The following NUDT9 variants were observed in gnomAD, a reference collection of about 807,000 sequenced individuals.
NUDT9 encodes the protein nudix hydrolase 9, also known as ADP-ribose pyrophosphatase.
In NUDT9, 31 loss-of-function variants were observed where a neutral mutation model predicts 41.0. The observed-to-expected ratio is 0.76, with a 90% CI of 0.57 to 1.02. The LOEUF (loss-of-function observed/expected upper bound fraction) is 1.02. Ranked by LOEUF, NUDT9 falls within the 50% of genes least tolerant of loss-of-function variation. NUDT9 has a pLI of 0.00. For synonymous variants in NUDT9, 146 were observed against 147.6 expected (o/e 0.99, Z 0.08); for missense variants, 380 against 431.4 (o/e 0.88, Z 1.06).
chr4:87,442,511 T>C (rs890676220), intron 4 of NUDT9, among the ~76,000 whole-genome samples: 6 of 152,188 alleles, frequency 3.9e-5, no homozygotes, highest in Admixed American at 3.9e-4. Flanking sequence ...ATAAAAAATA[T>C]TTTCATTTTG....
intron 1 of NUDT9, among the ~76,000 whole-genome samples, chr4:87,430,959 A>G (rs1321865135): frequency 6.6e-6 from 1 of 152,104 alleles, no homozygotes; most frequent in Non-Finnish European, 1.5e-5. Flanking sequence ...CCAGCTTACC[A>G]ATTTTTTCTC....
intron 1 of NUDT9, among the ~76,000 whole-genome samples, chr4:87,426,468 G>C (rs1353601479): frequency 1.3e-5 from 2 of 151,628 alleles, no homozygotes; most frequent in African/African-American, 4.8e-5. Context: ...GGTGTGCAGT[G>C]GTGTAATCTT....
intron 6 of NUDT9, among the ~76,000 whole-genome samples, chr4:87,453,709 T>C (rs1251027282): frequency 2.0e-5 from 3 of 152,132 alleles, no homozygotes; most frequent in African/African-American, 4.8e-5. Context: ...ATTACAGGCA[T>C]GAGCCACCAC....
chr4:87,437,584 T>G (rs372059534), intron 2 of NUDT9, among the ~76,000 whole-genome samples: 1 of 148,068 alleles, frequency 6.8e-6, no homozygotes, highest in Non-Finnish European at 1.5e-5. Flanking sequence ...CCTTGTGATC[T>G]GCCCACCTTG....
In NUDT9 at chr4:87,457,488, C is replaced by A. The variant is rs376352474; in HGVS notation, c.875-355C>A. Among the ~76,000 whole-genome samples the A allele has an allele frequency of 5.3e-5, 8 of 152,162 alleles. No individual in the cohort carries two copies. In the East Asian group the frequency reaches 1.5e-3, roughly 29 times the overall value. On this transcript the variant is annotated intron_variant, in intron 7 of 7. Transcript: ENST00000302174. ...CTGACCTCAGGTGATCTACCCGCCT[C>A]AGCTTTGTTTATTTTTTTACATTTA...
At chr4:87,453,110 C>T (rs1195731842) in intron 6 of NUDT9, among the ~76,000 whole-genome samples, 1 of 152,098 alleles carries the variant, frequency 6.6e-6, no homozygotes, top group Non-Finnish European at 1.5e-5. Context: ...CCGCACCCGG[C>T]CTTTTTTTGG....
At chr4:87,426,044 C>T (rs951513809) in intron 1 of NUDT9, among the ~76,000 whole-genome samples, 2 of 152,118 alleles carry the variant, frequency 1.3e-5, no homozygotes, top group Non-Finnish European at 2.9e-5. Context: ...AACTATTGGG[C>T]TCAAGTGATC....
intron 5 of NUDT9, among the ~76,000 whole-genome samples, chr4:87,451,332 A>G (rs1195300149): frequency 6.6e-6 from 1 of 152,170 alleles, no homozygotes; most frequent in East Asian, 1.9e-4. Flanking sequence ...CCTTAGTTCG[A>G]GTTTGGCAAG....
intron 7 of NUDT9, 125 bp downstream of exon 7, chr4:87,454,580 T>C: frequency 1.6e-6 from 1 of 620,120 alleles, no homozygotes; most frequent in East Asian, 2.7e-5. Context: ...TGTAGGACTG[T>C]AGTTATATGA....
intron 4 of NUDT9, among the ~76,000 whole-genome samples, chr4:87,447,572 A>G (rs566156821): frequency 6.6e-6 from 1 of 150,418 alleles, no homozygotes; most frequent in South Asian, 2.1e-4. Context: ...GAGGAAGGGG[A>G]AGGGGAGATT....
rs2110151554 is a variant in NUDT9 at position 87,422,579 on chromosome 4, C to G, written c.-327C>G. On this transcript the variant is annotated 5_prime_UTR_variant, in exon 1 of 8. Coordinates refer to ENST00000302174, the MANE Select transcript of NUDT9 (RefSeq NM_024047.5). ...AACGCACGACCTTTGCTTTGCGGCG[C>G]GGCCGTAAAGCGCCATTACGCAGAG... The G allele has an allele frequency of 4.5e-6, 1 of 220,930 alleles. No individual in the cohort carries two copies. The highest frequency in any genetic ancestry group is 9.4e-5 in the East Asian group (1 of 10,690). The allele number at this position is 220,930 out of a possible 1,614,324, so 13.7% of individuals were successfully genotyped here. A position where few individuals can be genotyped will look rare whatever the true frequency, so the allele number is the denominator to read the frequency against.
At position 87,458,674 on chromosome 4, in the gene NUDT9, TAAA is replaced by T. The variant is rs918358250; in HGVS notation, c.*658_*660del. ...ACTCTCATTTTCAAAAATTCTGAAT[TAAA>T]AAAAGTCCAGGAAGTTAGTAATTTA... On this transcript the variant is annotated 3_prime_UTR_variant, in exon 8 of 8. Transcript: ENST00000302174. The T allele has an allele frequency of 6.6e-6, 1 of 152,076 alleles. No individual in the cohort carries two copies. The highest frequency in any genetic ancestry group is 1.5e-5 in the Non-Finnish European group (1 of 68,008). 9.4% of individuals were successfully genotyped at this position (152,076 alleles called of 1,614,324 possible). A position where few individuals can be genotyped will look rare whatever the true frequency, so the allele number is the denominator to read the frequency against.
At chr4:87,441,973 G>C in intron 4 of NUDT9, 58 bp downstream of exon 4, 5 of 1,228,808 alleles carry the variant, frequency 4.1e-6, no homozygotes, top group Non-Finnish European at 4.6e-6. Flanking sequence ...AAAAATTGCA[G>C]ACTGTAGCTA....
At chr4:87,434,911 A>G (rs894788806) in intron 1 of NUDT9, 70 bp from the exon 2 acceptor site, 1 of 1,374,334 alleles carries the variant, frequency 7.3e-7, no homozygotes, top group Non-Finnish European at 1.0e-6. Flanking sequence ...AAGCCACTGC[A>G]CCCGGCCTAG....
At chr4:87,442,085 C>T (rs540220371) in intron 4 of NUDT9, among the ~76,000 whole-genome samples, 170 bp downstream of exon 4, 3 of 152,236 alleles carry the variant, frequency 2.0e-5, no homozygotes, top group African/African-American at 7.2e-5. Flanking sequence ...AGGACACGTT[C>T]TGAGAAATGC....
chr4:87,424,780 A>G (rs188173877), intron 1 of NUDT9, among the ~76,000 whole-genome samples: 13 of 152,250 alleles, frequency 8.5e-5, no homozygotes, highest in Non-Finnish European at 1.8e-4. Flanking sequence ...GAAATCTCTA[A>G]TGCTCTTTTT....
chr4:87,435,195 C>T lies in NUDT9; in HGVS notation c.322C>T (p.Pro108Ser). ...EYTAVSVLAG[P>S]RWADPQISES... ...CACTGCAGTCTCTGTCTTGGCTGGA[C>T]CCAGGTGGGCAGATCCTCAGATCAG... is the stretch of plus-strand genomic sequence containing the variant. The change falls in exon 2 of 8, where the codon CCC (proline) becomes TCC (serine). Residue 108 changes from proline (P) to serine (S), a missense_variant. Pro to Ser is a moderately conservative substitution (Grantham distance 74). Coordinates refer to ENST00000302174, the MANE Select transcript of NUDT9 (RefSeq NM_024047.5). 2 of 1,613,340 alleles carry T rather than the reference C, an allele frequency of 1.2e-6. No individual in the cohort carries two copies. Among genetic ancestry groups the T allele is most frequent in the East Asian group, 2.2e-5 (1 of 44,882 alleles).
At chr4:87,423,692 C>CT (rs1247868388) in intron 1 of NUDT9, among the ~76,000 whole-genome samples, 2 of 152,146 alleles carry the variant, frequency 1.3e-5, no homozygotes, top group East Asian at 3.8e-4. Flanking sequence ...TGTTCTGTGT[C>CT]TTTTTGGTCC....
intron 5 of NUDT9, among the ~76,000 whole-genome samples, chr4:87,450,247 A>G (rs1722646648): frequency 1.3e-5 from 2 of 152,110 alleles, no homozygotes; most frequent in Non-Finnish European, 2.9e-5. Context: ...ATAGTTTGAT[A>G]TGAGGATGAC....
Sources: allele counts gnomAD v4.1 joint callset (sites outside exome capture counted in the v4.1 genomes callset), GRCh38; gene constraint gnomAD v4.1.1; transcripts MANE v1.5; gene names NCBI Gene and HGNC (gene_info 2026-07-23, HGNC 2026-07-21).